Variants in DIS3L observed in about 807,000 individuals in gnomAD.
The protein encoded by DIS3L is DIS3 like exosome 3'-5' exoribonuclease.
Under a neutral mutation model 120.3 loss-of-function variants are expected in DIS3L, and 100 were observed. The ratio of observed to expected loss-of-function variants is 0.83; its 90% confidence interval spans 0.71 to 0.98. DIS3L has a LOEUF of 0.98. DIS3L is among the 50% of genes least tolerant of loss of function. The probability of loss-of-function intolerance (pLI) is 0.00; values close to 1 mark genes in which losing one functional copy is unlikely to be tolerated. For missense variants in DIS3L, 1,196 were observed against 1,314.2 expected, an observed-to-expected ratio of 0.91 and a Z score of 1.39; for synonymous variants, 426 against 470.6, an observed-to-expected ratio of 0.91 and a Z score of 1.23.
chr15:66,326,653 C>T lies in DIS3L; in HGVS notation c.2201+289C>T, dbSNP rs142067307. The T allele has an allele frequency of 2.6e-3, 693 of 262,282 alleles. 3 individuals carry two copies. The highest frequency in any genetic ancestry group is 0.014 in the African/African-American group (607 of 44,666). 16.2% of individuals were successfully genotyped at this position (262,282 alleles called of 1,614,324 possible). A position where few individuals can be genotyped will look rare whatever the true frequency, so the allele number is the denominator to read the frequency against. On this transcript the variant is annotated intron_variant, in intron 12 of 16. Coordinates refer to ENST00000319212, the MANE Select transcript of DIS3L (RefSeq NM_001143688.3). ...GGAGTACAGTGGTATGATCTCGGCT[C>T]ACTGCAACCACCACCTCCCAGGTTC...
At chr15:66,307,873 C>T (rs1016238419) in intron 3 of DIS3L, among the ~76,000 whole-genome samples, 4 of 152,146 alleles carry the variant, frequency 2.6e-5, no homozygotes, top group East Asian at 1.9e-4. Flanking sequence ...AGGAGCCACA[C>T]GGAATGTGCC....
At chr15:66,309,521 A>G (rs1019160496) in intron 4 of DIS3L, among the ~76,000 whole-genome samples, 3 of 152,152 alleles carry the variant, frequency 2.0e-5, no homozygotes, top group African/African-American at 7.2e-5. Flanking sequence ...CAACACATCT[A>G]TGCCAGCCAC....
chr15:66,315,356 A>G, intron 7 of DIS3L, 141 bp downstream of exon 7: 1 of 838,286 alleles, frequency 1.2e-6, no homozygotes, highest in African/African-American at 1.7e-5. Flanking sequence ...TATTGTGTAT[A>G]ATATGATGAT....
At chr15:66,323,467 C>T (rs775329517) in intron 10 of DIS3L, 26 bp from the exon 11 acceptor site, 24 of 1,612,304 alleles carry the variant, frequency 1.5e-5, no homozygotes, top group South Asian at 7.7e-5. Flanking sequence ...CTAAAGGTCG[C>T]GTTGCCGCGT....
At position 66,293,672 on chromosome 15, in the gene DIS3L, T is replaced by C. The variant is rs2140306226; in HGVS notation, c.76T>C (p.Tyr26His). 9 of 1,419,626 alleles carry C rather than the reference T, an allele frequency of 6.3e-6. No homozygotes were observed. The highest frequency in any genetic ancestry group is 1.4e-5 in the South Asian group (1 of 72,944). 87.9% of individuals were successfully genotyped at this position (1,419,626 alleles called of 1,614,324 possible). Residue 26 changes from tyrosine to histidine, a missense_variant, in exon 1 of 17, where the codon TAC (tyrosine) becomes CAC (histidine). Coordinates refer to ENST00000319212, the MANE Select transcript of DIS3L (RefSeq NM_001143688.3). ...GRTLRIVREH[Y>H]LRPCVPCHSP... Reference sequence around the variant, plus strand: ...CACGCTGCGGATCGTGCGCGAGCACTACCTGCGGCCCTGCGTGCCCTGCCA... The same window carrying C: ...CACGCTGCGGATCGTGCGCGAGCACCACCTGCGGCCCTGCGTGCCCTGCCA...
intron 6 of DIS3L, 143 bp downstream of exon 6, chr15:66,314,260 G>C (rs1022424787): frequency 1.8e-6 from 1 of 557,674 alleles, no homozygotes. Context: ...ATTGTGGCGG[G>C]GGGTGGTTCC....
chr15:66,310,624 T>C (rs1381919172), intron 4 of DIS3L, among the ~76,000 whole-genome samples: 1 of 152,162 alleles, frequency 6.6e-6, no homozygotes, highest in Non-Finnish European at 1.5e-5. Flanking sequence ...TGATAAGTGA[T>C]AAGTGACCAT....
At chr15:66,331,165 CAAAG>C (rs543661016) in intron 14 of DIS3L, among the ~76,000 whole-genome samples, 13 of 150,196 alleles carry the variant, frequency 8.7e-5, no homozygotes, top group Non-Finnish European at 1.6e-4. Context: ...AAAAAGAAGA[CAAAG>C]AAACTTTAAT....
intron 15 of DIS3L, among the ~76,000 whole-genome samples, chr15:66,332,494 G>GTGTGTGTGTGTGTATACACACATATATA (rs1566963980): frequency 4.3e-5 from 5 of 116,900 alleles, no homozygotes; most frequent in Non-Finnish European, 5.7e-5. Flanking sequence ...GAGTGTGTGT[G>GTGTGTGTGTGTGTATACACACATATATA]TGTGTGTGTG....
Position 66,327,620 on chromosome 15 carries a change from T to C in DIS3L, c.2201+1256T>C, listed in dbSNP as rs192314630. Among the ~76,000 whole-genome samples, 183 of 152,084 alleles carry C rather than the reference T, an allele frequency of 1.2e-3. 1 individual carries two copies. Among genetic ancestry groups the C allele is most frequent in the African/African-American group, 4.1e-3 (172 of 41,482 alleles). On this transcript the variant is annotated intron_variant, in intron 12 of 16. Coordinates refer to ENST00000319212, the MANE Select transcript of DIS3L (RefSeq NM_001143688.3). ...AAAATACAAAAAATTAGCCAGGTGC[T>C]GTAATCCCAGCTACTTGGGAGGTTG...
intron 4 of DIS3L, 50 bp downstream of exon 4, chr15:66,308,894 C>A: frequency 3.2e-6 from 5 of 1,559,674 alleles, no homozygotes; most frequent in South Asian, 2.4e-5. Context: ...TAAGTAGTAC[C>A]CATAAGGCTC....
At chr15:66,323,001 T>C in intron 10 of DIS3L, 67 bp downstream of exon 10, 1 of 1,569,942 alleles carries the variant, frequency 6.4e-7, no homozygotes, top group South Asian at 1.2e-5. Context: ...TCTGTACTAG[T>C]TTCAGGTGTT....
At position 66,325,983 on chromosome 15, in the gene DIS3L, T is replaced by C. The variant is rs763426894; in HGVS notation, c.1820T>C (p.Ile607Thr). 6.2e-7 allele frequency: 1 copy of C among 1,614,172 alleles called. No individual in the cohort carries two copies. The highest frequency in any genetic ancestry group is 8.5e-7 in the Non-Finnish European group (1 of 1,180,040). ...GGAAACTTAAGCGTTGTTGATGATA[T>C]TCCAGAATTCAAAGACTTGGATGAG... Reference protein sequence around the residue: ...LDGNLSVVDDIPEFKDLDEKS... With the variant: ...LDGNLSVVDDTPEFKDLDEKS... The change falls in exon 12 of 17, where the codon ATT becomes ACT. Residue 607 changes from isoleucine to threonine, a missense_variant. By Grantham distance (89) the Ile-to-Thr change is moderately conservative (BLOSUM62 -1). Coordinates refer to ENST00000319212, the MANE Select transcript of DIS3L (RefSeq NM_001143688.3).
intron 1 of DIS3L, 58 bp downstream of exon 1, chr15:66,293,793 G>T: frequency 3.6e-6 from 4 of 1,117,544 alleles, no homozygotes; most frequent in Non-Finnish European, 4.4e-6. Flanking sequence ...CCGCAGTGAG[G>T]GGCTGAGCGC....
intron 6 of DIS3L, 97 bp downstream of exon 6, chr15:66,314,214 CCTG>C (rs2140363628): frequency 5.9e-6 from 6 of 1,012,796 alleles, no homozygotes; most frequent in Admixed American, 3.7e-5. Context: ...TCATATGTGC[CCTG>C]TTATGTATGC....
At chr15:66,327,741 C>G (rs532072933) in intron 12 of DIS3L, among the ~76,000 whole-genome samples, 1 of 151,672 alleles carries the variant, frequency 6.6e-6, no homozygotes, top group Admixed American at 6.6e-5. Context: ...GAGACTCTGT[C>G]TCAAAAATAA....
chr15:66,307,998 C>A (rs914536477), intron 3 of DIS3L, among the ~76,000 whole-genome samples: 23 of 152,090 alleles, frequency 1.5e-4, no homozygotes, highest in African/African-American at 5.6e-4. Context: ...CATAATGAGA[C>A]CCCATCTGTA....
At chr15:66,328,930 C>T in intron 12 of DIS3L, 40 bp from the exon 13 acceptor site, 1 of 1,584,462 alleles carries the variant, frequency 6.3e-7, no homozygotes, top group Non-Finnish European at 8.6e-7. Flanking sequence ...TTGTAAATTA[C>T]TGTCTGGGAC....
intron 3 of DIS3L, 135 bp from the exon 4 acceptor site, chr15:66,308,574 C>A (rs1274802781): frequency 1.7e-6 from 2 of 1,200,002 alleles, no homozygotes; most frequent in Non-Finnish European, 1.1e-6. Flanking sequence ...ATAATGGATA[C>A]TCCAGAAGTA....
Sources: allele counts gnomAD v4.1 joint callset (sites outside exome capture counted in the v4.1 genomes callset), GRCh38; gene constraint gnomAD v4.1.1; transcripts MANE v1.5; gene names NCBI Gene and HGNC (gene_info 2026-07-23, HGNC 2026-07-21).